FMN2: variants seen among roughly 807,000 people sequenced by gnomAD.
FMN2 encodes formin 2.
Under a neutral mutation model 142.3 loss-of-function variants are expected in FMN2, and 51 were observed. The observed-to-expected ratio is 0.36, with a 90% CI of 0.29 to 0.45. FMN2 has a LOEUF of 0.45. Among genes scored for constraint, FMN2 ranks in the 20% least tolerant of loss-of-function variants. The probability of loss-of-function intolerance (pLI) is 1.00; values close to 1 mark genes in which losing one functional copy is unlikely to be tolerated. For synonymous variants in FMN2, 882 were observed against 869.8 expected, an observed-to-expected ratio of 1.01 and a Z score of -0.25; for missense variants, 1,936 against 2,122.8, an observed-to-expected ratio of 0.91 and a Z score of 1.73.
At chr1:240,122,309 G>C (rs1042987320) in intron 1 of FMN2, among the ~76,000 whole-genome samples, 3 of 151,652 alleles carry the variant, frequency 2.0e-5, no homozygotes, top group Non-Finnish European at 4.4e-5. Flanking sequence ...TGTCTCCCAG[G>C]CTAGAGTGCA....
intron 6 of FMN2, among the ~76,000 whole-genome samples, chr1:240,245,003 T>G (rs1462372758): frequency 6.6e-6 from 1 of 152,182 alleles, no homozygotes; most frequent in African/African-American, 2.4e-5. Flanking sequence ...TAGAGGTAAT[T>G]ATACTTTAGT....
intron 6 of FMN2, among the ~76,000 whole-genome samples, chr1:240,218,723 G>A (rs939292572): frequency 3.3e-5 from 5 of 151,964 alleles, no homozygotes; most frequent in Admixed American, 6.6e-5. Context: ...TTTTTGATCC[G>A]ATGACAGCAC....
intron 8 of FMN2, among the ~76,000 whole-genome samples, chr1:240,299,336 G>A (rs6686465): frequency 0.21 from 31,529 of 151,930 alleles, 3,528 homozygotes; most frequent in Admixed American, 0.33. Flanking sequence ...GAATAGTAAT[G>A]TTTTCCTTTT....
At position 240,093,402 on chromosome 1, in the gene FMN2, C is replaced by T. The variant is rs773768122; in HGVS notation, c.1293C>T (p.His431=). ...CCCGGCAGCTCAGCTCGCCCAATCA[C>T]TCCCCGTCTCAGTCCCCTAATCAGA... ...TTTRQLSSPN[H]SPSQSPNQSP... Residue 431 remains histidine, a synonymous_variant, in exon 1 of 18, where the codon CAC becomes CAT. Coordinates refer to ENST00000319653, the MANE Select transcript of FMN2 (RefSeq NM_020066.5). 1.9e-6 allele frequency: 3 copies of T among 1,613,502 alleles called. No individual in the cohort carries two copies. Among genetic ancestry groups the T allele is most frequent in the African/African-American group, 2.7e-5 (2 of 74,872 alleles).
chr1:240,184,824 T>C (rs1232727178), intron 3 of FMN2, among the ~76,000 whole-genome samples: 1 of 151,864 alleles, frequency 6.6e-6, no homozygotes, highest in Non-Finnish European at 1.5e-5. Flanking sequence ...TAGGCTGATA[T>C]CTCAGATTCA....
chr1:240,433,781 C>T (rs1675260664), intron 15 of FMN2, among the ~76,000 whole-genome samples: 1 of 152,190 alleles, frequency 6.6e-6, no homozygotes, highest in East Asian at 1.9e-4. Flanking sequence ...CTGCTTCCTC[C>T]TATACAGATG....
At chr1:240,170,966 T>G (rs1303273209) in intron 2 of FMN2, 34 of 791,116 alleles carry the variant, frequency 4.3e-5, no homozygotes, top group Non-Finnish European at 7.9e-5. Context: ...GACTACTCCT[T>G]TGAATGTATT....
chr1:240,108,998 T>C (rs1661708816), intron 1 of FMN2, among the ~76,000 whole-genome samples: 1 of 152,088 alleles, frequency 6.6e-6, no homozygotes, highest in Non-Finnish European at 1.5e-5. Flanking sequence ...ATCCTGCCAT[T>C]GCACTCCAGC....
At chr1:240,129,723 GAACTCCT>G (rs1662658475) in intron 2 of FMN2, among the ~76,000 whole-genome samples, 1 of 151,828 alleles carries the variant, frequency 6.6e-6, no homozygotes, top group African/African-American at 2.4e-5. Flanking sequence ...AGCTGGTCTC[GAACTCCT>G]GACCTCAAGT....
rs182888861 is a variant in FMN2, at chr1:240,343,413, C to T, written c.4765+9184C>T. On this transcript the variant is annotated intron_variant, in intron 13 of 17. Transcript: ENST00000319653. Reference sequence around the variant, plus strand: ...TGGATCTGGGCCTGAGGAAGCTGATCCAGAGCTCACCCTTTTAACCCCAAC... The same window carrying T: ...TGGATCTGGGCCTGAGGAAGCTGATTCAGAGCTCACCCTTTTAACCCCAAC... 3.9e-3 allele frequency among the ~76,000 whole-genome samples: 588 copies of T among 152,268 alleles called. 4 individuals carry two copies. Among genetic ancestry groups the T allele is most frequent in the Admixed American group, 6.8e-3 (104 of 15,284 alleles).
In FMN2 at chr1:240,306,869, G is replaced by A. The variant is rs777407714; in HGVS notation, c.4215+11986G>A. On this transcript the variant is annotated intron_variant, in intron 8 of 17. Coordinates refer to ENST00000319653, the MANE Select transcript of FMN2 (RefSeq NM_020066.5). The stretch of plus-strand genomic sequence containing the variant: ...GGACTAGTTTGCATTCCCACCAACA[G>A]TGTATAAGCATTTCCTTGTCTTCAC... 3.7e-4 allele frequency among the ~76,000 whole-genome samples: 57 copies of A among 152,202 alleles called. 1 individual carries two copies. Among genetic ancestry groups the A allele is most frequent in the Non-Finnish European group, 6.5e-4 (44 of 68,036 alleles).
chr1:240,338,424 A>C (rs961398751), intron 13 of FMN2, among the ~76,000 whole-genome samples: 1 of 152,106 alleles, frequency 6.6e-6, no homozygotes, highest in Non-Finnish European at 1.5e-5. Context: ...TAAAAATAAC[A>C]TTTTACAGTG....
intron 3 of FMN2, 125 bp downstream of exon 3, chr1:240,178,193 A>C: frequency 2.6e-6 from 3 of 1,164,688 alleles, no homozygotes; most frequent in Non-Finnish European, 3.4e-6. Context: ...TATAATCTTC[A>C]AAAAGTTTTT....
At chr1:240,468,525 C>T (rs988743885) in intron 16 of FMN2, among the ~76,000 whole-genome samples, 1 of 152,142 alleles carries the variant, frequency 6.6e-6, no homozygotes, top group African/African-American at 2.4e-5. Context: ...TGCGTTCTCA[C>T]TCTATCAATG....
chr1:240,441,033 T>A (rs1675595615), intron 16 of FMN2, among the ~76,000 whole-genome samples: 2 of 147,270 alleles, frequency 1.4e-5, no homozygotes, highest in Admixed American at 6.9e-5. Flanking sequence ...TCTCACTCTG[T>A]CGCCACACTG....
intron 15 of FMN2, among the ~76,000 whole-genome samples, chr1:240,435,008 G>T (rs1435100561): frequency 6.6e-6 from 1 of 152,066 alleles, no homozygotes; most frequent in East Asian, 1.9e-4. Context: ...CAAAGAAATA[G>T]CTACCAGCGA....
At chr1:240,148,103 C>T (rs1002472680) in intron 2 of FMN2, among the ~76,000 whole-genome samples, 1 of 152,190 alleles carries the variant, frequency 6.6e-6, no homozygotes, top group African/African-American at 2.4e-5. Context: ...CTGGATTGAT[C>T]ATTATGGCTT....
intron 15 of FMN2, among the ~76,000 whole-genome samples, chr1:240,393,794 G>A (rs1042771998): frequency 3.9e-5 from 6 of 152,140 alleles, no homozygotes; most frequent in Admixed American, 2.0e-4. Context: ...GCTGCTATGG[G>A]GAAAGTTTAA....
intron 6 of FMN2, among the ~76,000 whole-genome samples, chr1:240,257,424 A>C (rs1486097324): frequency 6.6e-6 from 1 of 152,198 alleles, no homozygotes; most frequent in Non-Finnish European, 1.5e-5. Context: ...TGAGCTTTCT[A>C]TGTGACCCAA....
Sources: allele counts gnomAD v4.1 joint callset (sites outside exome capture counted in the v4.1 genomes callset), GRCh38; gene constraint gnomAD v4.1.1; transcripts MANE v1.5; gene names NCBI Gene and HGNC (gene_info 2026-07-23, HGNC 2026-07-21).